Variants in KPNA3 observed in about 807,000 individuals in gnomAD.
KPNA3 encodes importin subunit alpha-4.
Under a neutral mutation model 73.8 loss-of-function variants are expected in KPNA3, and 13 were observed. The observed-to-expected ratio is 0.18, with a 90% CI of 0.11 to 0.28. The LOEUF (loss-of-function observed/expected upper bound fraction) is 0.28. Among genes scored for constraint, KPNA3 ranks in the 10% least tolerant of loss-of-function variants. The pLI is 1.00. For synonymous variants in KPNA3, 186 were observed against 206.9 expected, an observed-to-expected ratio of 0.90 and a Z score of 0.87; for missense variants, 360 against 618.1, an observed-to-expected ratio of 0.58 and a Z score of 4.43.
At chr13:49,753,916 T>A (rs939581881) in intron 1 of KPNA3, among the ~76,000 whole-genome samples, 1 of 152,070 alleles carries the variant, frequency 6.6e-6, no homozygotes, top group Non-Finnish European at 1.5e-5. Context: ...ACCACTGTTA[T>A]AAGGGAAAAA....
intron 1 of KPNA3, among the ~76,000 whole-genome samples, chr13:49,752,979 A>G (rs1192848862): frequency 7.6e-6 from 1 of 131,396 alleles, no homozygotes; most frequent in Non-Finnish European, 1.6e-5. Flanking sequence ...GTGAGCCGAG[A>G]TTGCGCCATT....
At chr13:49,742,267 A>T in intron 2 of KPNA3, among the ~76,000 whole-genome samples, 1 of 152,070 alleles carries the variant, frequency 6.6e-6, no homozygotes, top group Non-Finnish European at 1.5e-5. Context: ...TCAAATATTC[A>T]CCTTAGTTGC....
chr13:49,715,657 C>T (rs554397630), intron 10 of KPNA3, among the ~76,000 whole-genome samples: 104 of 152,126 alleles, frequency 6.8e-4, no homozygotes, highest in Non-Finnish European at 1.1e-3. Context: ...ACAATAAAGG[C>T]AACCACTAGA....
chr13:49,702,024 G>A (rs1308957206), intron 16 of KPNA3, 126 bp from the exon 17 acceptor site: 8 of 613,192 alleles, frequency 1.3e-5, no homozygotes, highest in Middle Eastern at 4.4e-4. Flanking sequence ...AAAAATATTC[G>A]AGTAAATCAA....
intron 6 of KPNA3, among the ~76,000 whole-genome samples, chr13:49,728,109 C>A (rs911801933): frequency 5.9e-5 from 9 of 151,992 alleles, no homozygotes; most frequent in African/African-American, 2.2e-4. Context: ...GTGGCAGGCA[C>A]CTGTAGACCC....
intron 10 of KPNA3, among the ~76,000 whole-genome samples, chr13:49,716,701 G>C (rs1954307254): frequency 1.3e-5 from 2 of 152,180 alleles, no homozygotes; most frequent in South Asian, 4.1e-4. Context: ...GCCTTCCAAA[G>C]TGCTAGGATT....
At chr13:49,722,235 T>G in intron 8 of KPNA3, 111 bp from the exon 9 acceptor site, 1 of 792,720 alleles carries the variant, frequency 1.3e-6, no homozygotes, top group Admixed American at 3.1e-5. Context: ...TCCTCACCAT[T>G]AGTCAAAGGC....
Position 49,701,301 on chromosome 13 carries a change from G to T in KPNA3, c.*499C>A. 5.5e-6 allele frequency: 1 copy of T among 180,286 alleles called. No individual in the cohort carries two copies. Among genetic ancestry groups the T allele is most frequent in the Admixed American group, 5.9e-5 (1 of 16,870 alleles). The allele number at this position is 180,286 out of a possible 1,614,324, so 11.2% of individuals were successfully genotyped here. On this transcript the variant is annotated 3_prime_UTR_variant, in exon 17 of 17. Transcript: ENST00000261667. ...TCCACCAATGAAAATCATTTGGCTT[G>T]TACTTTAAAATCTATTCTTCCACAT...
chr13:49,703,119 C>A (rs1216424664), intron 15 of KPNA3, among the ~76,000 whole-genome samples: 5 of 151,138 alleles, frequency 3.3e-5, no homozygotes. Flanking sequence ...CTGCCCACCT[C>A]GGCCTCCCAA....
chr13:49,779,635 C>T (rs1035202057), intron 1 of KPNA3, among the ~76,000 whole-genome samples: 9 of 152,212 alleles, frequency 5.9e-5, no homozygotes, highest in African/African-American at 2.2e-4. Flanking sequence ...CACCACCCTT[C>T]TTAACAAATA....
chr13:49,723,078 C>T (rs1003786983), intron 7 of KPNA3, among the ~76,000 whole-genome samples: 2 of 54,976 alleles, frequency 3.6e-5, no homozygotes, highest in Non-Finnish European at 8.8e-5. Context: ...CTGTGCACTA[C>T]CTCATTTTTT....
chr13:49,762,012 C>G (rs538037297), intron 1 of KPNA3, among the ~76,000 whole-genome samples: 1 of 149,300 alleles, frequency 6.7e-6, no homozygotes, highest in African/African-American at 2.4e-5. Flanking sequence ...GCAGCCGCCC[C>G]GTCTGTGAAG....
intron 1 of KPNA3, among the ~76,000 whole-genome samples, chr13:49,780,193 G>A (rs1954929810): frequency 6.6e-6 from 1 of 152,128 alleles, no homozygotes; most frequent in Admixed American, 6.5e-5. Context: ...ACCCCCAACT[G>A]ATTTCATAAA....
intron 1 of KPNA3, among the ~76,000 whole-genome samples, chr13:49,754,067 C>T (rs1278638726): frequency 2.0e-5 from 3 of 152,100 alleles, no homozygotes; most frequent in East Asian, 1.9e-4. Flanking sequence ...GAAACTGAGG[C>T]GGGTGGAGCA....
chr13:49,755,417 CACT>C (rs1954702004), intron 1 of KPNA3, among the ~76,000 whole-genome samples: 2 of 152,116 alleles, frequency 1.3e-5, no homozygotes, highest in African/African-American at 4.8e-5. Flanking sequence ...CCACTCTCAC[CACT>C]ATTATTCAAC....
chr13:49,716,394 CCACT>C (rs879421648), intron 10 of KPNA3, among the ~76,000 whole-genome samples: 3 of 152,006 alleles, frequency 2.0e-5, no homozygotes, highest in South Asian at 2.1e-4. Flanking sequence ...TATTTTTTCC[CCACT>C]ATTTGTTCCA....
intron 6 of KPNA3, among the ~76,000 whole-genome samples, chr13:49,732,114 A>G (rs142169971): frequency 1.2e-3 from 190 of 152,360 alleles, no homozygotes; most frequent in African/African-American, 4.5e-3. Context: ...AAGACTATAA[A>G]TATTTGAGAT....
intron 1 of KPNA3, among the ~76,000 whole-genome samples, chr13:49,753,435 G>T (rs1295734288): frequency 6.6e-6 from 1 of 152,174 alleles, no homozygotes; most frequent in Non-Finnish European, 1.5e-5. Context: ...ACAACTCAAG[G>T]ACTACTGTTT....
rs1324540792 is a variant in KPNA3 at position 49,699,326 on chromosome 13, C to T, written c.*2474G>A. 1 of 152,498 alleles carries T rather than the reference C, an allele frequency of 6.6e-6. No individual in the cohort carries two copies. The highest frequency in any genetic ancestry group is 1.9e-4 in the East Asian group (1 of 5,202). 9.4% of individuals were successfully genotyped at this position (152,498 alleles called of 1,614,324 possible). On this transcript the variant is annotated 3_prime_UTR_variant, in exon 17 of 17. Transcript: ENST00000261667. ...CAGAAATAAGTTTTCAATGTTTTATCATATTTGATAGCAGCTTTTTTTATT... is the reference window on the plus strand; with the variant it reads ...CAGAAATAAGTTTTCAATGTTTTATTATATTTGATAGCAGCTTTTTTTATT...
Sources: allele counts gnomAD v4.1 joint callset (sites outside exome capture counted in the v4.1 genomes callset), GRCh38; gene constraint gnomAD v4.1.1; transcripts MANE v1.5; gene names NCBI Gene and HGNC (gene_info 2026-07-23, HGNC 2026-07-21).